USP22: variants seen among roughly 807,000 people sequenced by gnomAD.
The protein encoded by USP22 is ubiquitin carboxyl-terminal hydrolase 22.
A neutral mutation model predicts 68.1 loss-of-function variants in USP22; 22 were observed. The observed-to-expected ratio is 0.32, with a 90% CI of 0.23 to 0.46. The LOEUF (loss-of-function observed/expected upper bound fraction) is 0.46. Ranked by LOEUF, USP22 falls within the 20% of genes least tolerant of loss-of-function variation. The probability of loss-of-function intolerance (pLI) is 1.00; values close to 1 mark genes in which losing one functional copy is unlikely to be tolerated. For missense variants in USP22, 433 were observed against 695.8 expected (o/e 0.62, Z 4.25); for synonymous variants, 279 against 274.2 (o/e 1.02, Z -0.17).
At chr17:21,016,033 T>C in intron 5 of USP22, 134 bp from the exon 6 acceptor site, 1 of 1,210,042 alleles carries the variant, frequency 8.3e-7, no homozygotes, top group Non-Finnish European at 1.1e-6. Flanking sequence ...TGGATTTTAC[T>C]TTTCTACTTT....
chr17:21,036,240 G>A (rs957535141), intron 1 of USP22, among the ~76,000 whole-genome samples: 2 of 151,946 alleles, frequency 1.3e-5, no homozygotes, highest in Non-Finnish European at 2.9e-5. Flanking sequence ...GATTTCTTGG[G>A]GCAGTGCAAC....
chr17:21,042,249 C>T (rs1013367162), intron 1 of USP22: 1 of 157,726 alleles, frequency 6.3e-6, no homozygotes, highest in Admixed American at 6.5e-5. Flanking sequence ...GACCGCCCAC[C>T]GAAGTCCCAG....
chr17:21,004,788 CAATA>C lies in USP22; in HGVS notation c.1385+136_1385+139del. On this transcript the variant is annotated intron_variant, in intron 11 of 12. Transcript: ENST00000261497. ...CTTTCCTAGTGGAGCTGCGGGCAGCCAATAGTGGAGCTGCGGGCAGCCAAGCGGG... is the reference window on the plus strand; with the variant it reads ...CTTTCCTAGTGGAGCTGCGGGCAGCCGTGGAGCTGCGGGCAGCCAAGCGGG... The C allele has an allele frequency of 9.2e-5, 8 of 87,266 alleles. 2 individuals carry two copies. Among genetic ancestry groups the C allele is most frequent in the South Asian group, 9.6e-4 (2 of 2,082 alleles). 5.4% of individuals were successfully genotyped at this position (87,266 alleles called of 1,614,324 possible). A position where few individuals can be genotyped will look rare whatever the true frequency, so the allele number is the denominator to read the frequency against.
chr17:21,012,267 CAA>C (rs1399203105), intron 7 of USP22, among the ~76,000 whole-genome samples: 1 of 151,752 alleles, frequency 6.6e-6, no homozygotes, highest in Admixed American at 6.6e-5. Flanking sequence ...CTGAAAAAAA[CAA>C]AAACAAAAAC....
chr17:21,042,595 CCCTCCGCCGGCCGG>C, intron 1 of USP22, 56 bp downstream of exon 1: 1 of 1,254,992 alleles, frequency 8.0e-7, no homozygotes, highest in Non-Finnish European at 1.0e-6. Flanking sequence ...GGAAAAGGGC[CCCTCCGCCGGCCGG>C]CCTCAGGAGC....
chr17:21,027,201 T>C (rs553602279), intron 2 of USP22, among the ~76,000 whole-genome samples: 90 of 143,724 alleles, frequency 6.3e-4, no homozygotes, highest in African/African-American at 2.3e-3. Context: ...GGCAGAAGGA[T>C]CTCCTGAGCC....
At chr17:21,035,908 G>C (rs552557892) in intron 1 of USP22, among the ~76,000 whole-genome samples, 3 of 151,716 alleles carry the variant, frequency 2.0e-5, no homozygotes, top group African/African-American at 7.3e-5. Context: ...GCAGGCGCCT[G>C]TAGTCCCAGT....
intron 6 of USP22, among the ~76,000 whole-genome samples, chr17:21,014,483 G>C (rs187863205): frequency 9.1e-4 from 139 of 152,206 alleles, no homozygotes; most frequent in African/African-American, 3.2e-3. Flanking sequence ...TTGATTTCTA[G>C]GTAAGAATTA....
At chr17:21,039,382 A>C (rs1487464665) in intron 1 of USP22, among the ~76,000 whole-genome samples, 2 of 151,726 alleles carry the variant, frequency 1.3e-5, no homozygotes, top group Admixed American at 1.3e-4. Context: ...GTTCGAGACC[A>C]GTCTGACCAA....
At chr17:21,034,891 T>C (rs1427827023) in intron 1 of USP22, among the ~76,000 whole-genome samples, 1 of 152,138 alleles carries the variant, frequency 6.6e-6, no homozygotes, top group Non-Finnish European at 1.5e-5. Flanking sequence ...AATCTATCCA[T>C]GAAATTATGA....
intron 3 of USP22, among the ~76,000 whole-genome samples, chr17:21,020,719 G>A (rs1411341591): frequency 3.3e-5 from 5 of 152,236 alleles, no homozygotes; most frequent in African/African-American, 1.2e-4. Flanking sequence ...AAACCACTCA[G>A]GGATGTCCAG....
chr17:21,003,198 G>T, intron 12 of USP22, 125 bp from the exon 13 acceptor site: 1 of 1,183,496 alleles, frequency 8.4e-7, no homozygotes. Flanking sequence ...CCGAGTTGAT[G>T]GTTTTGGCTT....
intron 10 of USP22, chr17:21,005,202 A>G (rs561966796): frequency 3.4e-6 from 2 of 584,202 alleles, no homozygotes; most frequent in Non-Finnish European, 5.9e-6. Context: ...CTGGGTCCTG[A>G]GGCCACCTGG....
intron 1 of USP22, among the ~76,000 whole-genome samples, chr17:21,041,792 G>T (rs1972436282): frequency 1.3e-5 from 2 of 152,224 alleles, no homozygotes; most frequent in Non-Finnish European, 2.9e-5. Context: ...ATCACGTTAC[G>T]TTTTGATTTC....
intron 12 of USP22, 146 bp from the exon 13 acceptor site, chr17:21,003,219 A>G: frequency 1.1e-6 from 1 of 918,476 alleles, no homozygotes; most frequent in African/African-American, 1.6e-5. Context: ...TTTAGTCCGC[A>G]AGGAGGAAAG....
At chr17:21,042,570 G>T in intron 1 of USP22, 95 bp downstream of exon 1, 1 of 1,190,954 alleles carries the variant, frequency 8.4e-7, no homozygotes, top group East Asian at 3.2e-5. Context: ...GGCAACGGGG[G>T]AAGGGAAGAG....
At chr17:21,026,634 T>C (rs1972223248) in intron 2 of USP22, among the ~76,000 whole-genome samples, 1 of 149,462 alleles carries the variant, frequency 6.7e-6, no homozygotes, top group Non-Finnish European at 1.5e-5. Context: ...CTCATCTCAC[T>C]TCTTTAAAAA....
chr17:21,021,174 G>C lies in USP22; in HGVS notation c.357C>G (p.Ile119Met). The change falls in exon 3 of 13, where the codon ATC becomes ATG. Residue 119 changes from isoleucine to methionine, a missense_variant. Around this residue, in one of 4 missense-constraint regions of USP22, gnomAD observed 144 missense variants for 237.2 expected, o/e 0.61. Coordinates refer to ENST00000261497, the MANE Select transcript of USP22 (RefSeq NM_015276.2). ...GIYCFLCQDYIYDKDMEIIAK... is the reference protein window; with the variant it reads ...GIYCFLCQDYMYDKDMEIIAK... ...CGATTATTTCCATGTCTTTGTCATA[G>C]ATGTAGTCCTGGCACAGAAAACAGT... 1 of 1,614,158 alleles carries C rather than the reference G, an allele frequency of 6.2e-7. No individual in the cohort carries two copies. The highest frequency in any genetic ancestry group is 8.5e-7 in the Non-Finnish European group (1 of 1,179,990).
intron 2 of USP22, among the ~76,000 whole-genome samples, 179 bp downstream of exon 2, chr17:21,028,363 C>T (rs535807210): frequency 7.7e-4 from 118 of 152,272 alleles, no homozygotes; most frequent in South Asian, 2.9e-3. Context: ...AAACTGAGGA[C>T]GCGATTCAGC....
Sources: allele counts gnomAD v4.1 joint callset (sites outside exome capture counted in the v4.1 genomes callset), GRCh38; gene constraint gnomAD v4.1.1; regional missense constraint gnomAD v4.1.1; transcripts MANE v1.5; gene names NCBI Gene and HGNC (gene_info 2026-07-23, HGNC 2026-07-21).